The following CDC23 variants were observed in gnomAD, a reference collection of about 807,000 sequenced individuals.
CDC23 encodes the protein cell division cycle 23.
A neutral mutation model predicts 81.7 loss-of-function variants in CDC23; 26 were observed. The ratio of observed to expected loss-of-function variants is 0.32; its 90% CI spans 0.23 to 0.44. The LOEUF is 0.44. Ranked by LOEUF, CDC23 falls within the 20% of genes least tolerant of loss-of-function variation. The probability of loss-of-function intolerance (pLI) is 1.00; values close to 1 mark genes in which losing one functional copy is unlikely to be tolerated. For missense variants in CDC23, 519 were observed against 728.0 expected (o/e 0.71, Z 3.30); for synonymous variants, 267 against 270.8 (o/e 0.99, Z 0.14).
At chr5:138,206,434 G>T (rs868157342) in intron 3 of CDC23, 113 bp downstream of exon 3, 2 of 1,005,058 alleles carry the variant, frequency 2.0e-6, no homozygotes, top group Middle Eastern at 2.4e-4. Flanking sequence ...TATGTATAAA[G>T]TACATTCATT....
chr5:138,205,710 A>C (rs1348781350), intron 3 of CDC23, among the ~76,000 whole-genome samples: 4 of 152,034 alleles, frequency 2.6e-5, no homozygotes, highest in African/African-American at 7.2e-5. Flanking sequence ...AAAAAAAAAA[A>C]AACAAAGATG....
intron 9 of CDC23, among the ~76,000 whole-genome samples, chr5:138,192,887 T>G (rs559989024): frequency 4.6e-5 from 7 of 152,312 alleles, no homozygotes; most frequent in Admixed American, 2.0e-4. Flanking sequence ...AAGTTTTTAT[T>G]CCTTTTAATA....
Position 138,209,012 on chromosome 5 carries a change from C to T in CDC23, c.235-2328G>A, listed in dbSNP as rs561506816. Among the ~76,000 whole-genome samples the T allele has an allele frequency of 4.4e-4, 67 of 152,276 alleles. No homozygotes were observed. The South Asian group carries it at 1.0e-2, about 23-fold the overall frequency. ...GTTGCTTAGGCTGGTCTGGAACTCCCGGCCTCAAGCAGTCCTCCCAAAGTG... is the reference window on the plus strand; with the variant it reads ...GTTGCTTAGGCTGGTCTGGAACTCCTGGCCTCAAGCAGTCCTCCCAAAGTG... On this transcript the variant is annotated intron_variant, in intron 2 of 15. Transcript: ENST00000394886.
chr5:138,203,162 A>G (rs1755007542), intron 3 of CDC23, among the ~76,000 whole-genome samples: 1 of 152,166 alleles, frequency 6.6e-6, no homozygotes, highest in Non-Finnish European at 1.5e-5. Flanking sequence ...AAAAAGGAGG[A>G]GAGAGGGAAA....
chr5:138,191,411 C>T (rs1754825404), intron 13 of CDC23, 63 bp downstream of exon 13: 1 of 1,379,450 alleles, frequency 7.2e-7, no homozygotes, highest in Non-Finnish European at 1.0e-6. Flanking sequence ...CTAGACCATG[C>T]AGGACCCACC....
chr5:138,191,745 T>C (rs1754829316), intron 12 of CDC23, 117 bp downstream of exon 12: 1 of 984,448 alleles, frequency 1.0e-6, no homozygotes, highest in Non-Finnish European at 1.6e-6. Context: ...TCTATAAATA[T>C]TCAGACTTTC....
chr5:138,195,591 A>G (rs1581484635), intron 9 of CDC23, among the ~76,000 whole-genome samples: 1 of 57,806 alleles, frequency 1.7e-5, no homozygotes, highest in African/African-American at 4.5e-5. Context: ...ATTATATATA[A>G]TATATATTAT....
intron 3 of CDC23, among the ~76,000 whole-genome samples, chr5:138,202,777 A>C (rs1453586442): frequency 1.3e-5 from 2 of 152,244 alleles, no homozygotes; most frequent in Non-Finnish European, 2.9e-5. Context: ...CCAAGCGTTG[A>C]GTAGTAAATG....
intron 6 of CDC23, among the ~76,000 whole-genome samples, chr5:138,199,696 G>A (rs1344795070): frequency 6.6e-6 from 1 of 152,202 alleles, no homozygotes; most frequent in Non-Finnish European, 1.5e-5. Context: ...AAGACTGGAT[G>A]TCGTTAATAG....
At chr5:138,203,629 C>T (rs1053674625) in intron 3 of CDC23, among the ~76,000 whole-genome samples, 3 of 151,978 alleles carry the variant, frequency 2.0e-5, no homozygotes, top group African/African-American at 7.2e-5. Context: ...GATTGGAATT[C>T]GGCCGGGTGC....
At chr5:138,205,505 T>C (rs1389067518) in intron 3 of CDC23, among the ~76,000 whole-genome samples, 5 of 151,308 alleles carry the variant, frequency 3.3e-5, no homozygotes, top group Admixed American at 6.6e-5. Flanking sequence ...AAACAGAAAA[T>C]AGAATAGTGG....
intron 7 of CDC23, 35 bp downstream of exon 7, chr5:138,198,570 G>T: frequency 1.2e-6 from 2 of 1,612,276 alleles, no homozygotes; most frequent in Non-Finnish European, 1.7e-6. Flanking sequence ...CACCTGTCAG[G>T]GTCTGATAGT....
At chr5:138,212,463 C>G (rs1004486781) in intron 2 of CDC23, among the ~76,000 whole-genome samples, 1 of 152,124 alleles carries the variant, frequency 6.6e-6, no homozygotes, top group East Asian at 1.9e-4. Flanking sequence ...GGATTACAGG[C>G]GCGCGCCACC....
At position 138,201,536 on chromosome 5, in the gene CDC23, A is replaced by C. The variant is rs1754989789; in HGVS notation, c.416-88T>G. ...TTTATTTATTTATTTTTCTAGAGACAGGGTCTCGCTATGTTCCCTAGGCTG... is the reference window on the plus strand; with the variant it reads ...TTTATTTATTTATTTTTCTAGAGACCGGGTCTCGCTATGTTCCCTAGGCTG... On this transcript the variant is annotated intron_variant, in intron 4 of 15. Coordinates refer to ENST00000394886, the MANE Select transcript of CDC23 (RefSeq NM_004661.4). 1.2e-5 allele frequency: 11 copies of C among 951,030 alleles called. 1 individual carries two copies. The South Asian group carries it at 1.8e-4, about 15-fold the overall frequency. 58.9% of individuals were successfully genotyped at this position (951,030 alleles called of 1,614,324 possible).
At chr5:138,204,526 A>G (rs560791765) in intron 3 of CDC23, among the ~76,000 whole-genome samples, 3 of 151,738 alleles carry the variant, frequency 2.0e-5, no homozygotes, top group Admixed American at 6.6e-5. Flanking sequence ...AAAAAAGTAC[A>G]TAAGTATTCT....
intron 9 of CDC23, among the ~76,000 whole-genome samples, chr5:138,195,658 TAC>T (rs1425759871): frequency 8.5e-6 from 1 of 117,296 alleles, no homozygotes; most frequent in Non-Finnish European, 1.7e-5. Context: ...ATATATTATA[TAC>T]ATATATTTTA....
chr5:138,209,013 G>A (rs1000437408), intron 2 of CDC23, among the ~76,000 whole-genome samples: 2 of 152,230 alleles, frequency 1.3e-5, no homozygotes, highest in South Asian at 2.1e-4. Context: ...TGGAACTCCC[G>A]GCCTCAAGCA....
intron 14 of CDC23, 26 bp downstream of exon 14, chr5:138,189,802 T>C: frequency 1.2e-6 from 2 of 1,613,888 alleles, no homozygotes; most frequent in Non-Finnish European, 1.7e-6. Flanking sequence ...ATATCAGCAG[T>C]ACAATTCTCA....
intron 9 of CDC23, among the ~76,000 whole-genome samples, chr5:138,195,561 A>AAATTAT (rs1429399962): frequency 1.0e-5 from 1 of 95,552 alleles, no homozygotes; most frequent in Non-Finnish European, 2.0e-5. Flanking sequence ...AATTATATAT[A>AAATTAT]ATATATTTAT....
Sources: gnomAD v4.1 joint callset for allele counts (sites outside exome capture counted in the v4.1 genomes callset) on GRCh38, gnomAD v4.1.1 for gene constraint, MANE v1.5 for transcripts, NCBI Gene and HGNC (gene_info 2026-07-23, HGNC 2026-07-21) for gene names.